ZNF804A: variants seen among roughly 807,000 people sequenced by gnomAD.
ZNF804A encodes zinc finger protein 804A.
Under a neutral mutation model 16.5 loss-of-function variants are expected in ZNF804A, and 2 were observed. The observed-to-expected ratio is 0.12, with a 90% CI of 0.05 to 0.38. The LOEUF is 0.38. Among genes scored for constraint, ZNF804A ranks in the 10% least tolerant of loss-of-function variants. The pLI is 0.99. For missense variants in ZNF804A, 1,473 were observed against 1,390.7 expected (o/e 1.06, Z -0.94); for synonymous variants, 534 against 489.6 (o/e 1.09, Z -1.20).
At chr2:184,610,298 G>A (rs934518366) in intron 1 of ZNF804A, among the ~76,000 whole-genome samples, 1 of 152,156 alleles carries the variant, frequency 6.6e-6, no homozygotes. Context: ...CCAGTGTCAA[G>A]TATTCTTTTA....
intron 1 of ZNF804A, among the ~76,000 whole-genome samples, chr2:184,687,327 A>G: frequency 6.6e-6 from 1 of 152,164 alleles, no homozygotes; most frequent in East Asian, 1.9e-4. Context: ...AGATCAGAAA[A>G]ATGTTAATGT....
At chr2:184,758,918 T>C (rs1459251320) in intron 1 of ZNF804A, among the ~76,000 whole-genome samples, 1 of 151,988 alleles carries the variant, frequency 6.6e-6, no homozygotes, top group Non-Finnish European at 1.5e-5. Flanking sequence ...ACATTGCATT[T>C]CTGCAAGAAA....
At chr2:184,919,663 A>G (rs1456822667) in intron 2 of ZNF804A, among the ~76,000 whole-genome samples, 1 of 152,122 alleles carries the variant, frequency 6.6e-6, no homozygotes, top group African/African-American at 2.4e-5. Flanking sequence ...CAAGTTTCTA[A>G]CCATCCAGCC....
At chr2:184,674,224 A>T (rs1190199500) in intron 1 of ZNF804A, among the ~76,000 whole-genome samples, 1 of 152,158 alleles carries the variant, frequency 6.6e-6, no homozygotes, top group African/African-American at 2.4e-5. Context: ...ATTACATTGT[A>T]GAAATTTAAA....
intron 1 of ZNF804A, among the ~76,000 whole-genome samples, chr2:184,615,166 G>T (rs1031163993): frequency 6.6e-6 from 1 of 152,164 alleles, no homozygotes; most frequent in African/African-American, 2.4e-5. Flanking sequence ...ACTGGATAAA[G>T]ACAATGTGGC....
intron 1 of ZNF804A, among the ~76,000 whole-genome samples, chr2:184,660,076 A>C (rs552742181): frequency 6.6e-6 from 1 of 152,284 alleles, no homozygotes; most frequent in African/African-American, 2.4e-5. Context: ...TTGCCACTGC[A>C]CTCCAGCCAA....
chr2:184,672,133 C>A (rs1179979948), intron 1 of ZNF804A, among the ~76,000 whole-genome samples: 1 of 152,150 alleles, frequency 6.6e-6, no homozygotes, highest in Non-Finnish European at 1.5e-5. Flanking sequence ...GAAAGCTAGA[C>A]TCAGTGATGG....
At chr2:184,787,461 G>T (rs995824991) in intron 1 of ZNF804A, among the ~76,000 whole-genome samples, 1 of 151,748 alleles carries the variant, frequency 6.6e-6, no homozygotes, top group Non-Finnish European at 1.5e-5. Context: ...GAACTACTTT[G>T]CATTGCTACC....
chr2:184,614,720 C>T (rs574953486), intron 1 of ZNF804A, among the ~76,000 whole-genome samples: 8 of 152,102 alleles, frequency 5.3e-5, no homozygotes, highest in South Asian at 2.1e-4. Flanking sequence ...ATCAAAAAGT[C>T]GGCAGAGGAT....
chr2:184,673,032 T>A (rs1692362184), intron 1 of ZNF804A, among the ~76,000 whole-genome samples: 1 of 147,538 alleles, frequency 6.8e-6, no homozygotes, highest in Non-Finnish European at 1.5e-5. Context: ...AGTTTATAAA[T>A]CTCATCATAG....
At chr2:184,630,328 T>A (rs1691585441) in intron 1 of ZNF804A, among the ~76,000 whole-genome samples, 1 of 152,184 alleles carries the variant, frequency 6.6e-6, no homozygotes, top group Non-Finnish European at 1.5e-5. Context: ...GGTCATTAGC[T>A]ATTAAGTCAT....
At chr2:184,852,257 C>A (rs866669319) in intron 1 of ZNF804A, among the ~76,000 whole-genome samples, 56 of 151,078 alleles carry the variant, frequency 3.7e-4, no homozygotes, top group Non-Finnish European at 2.4e-4. Flanking sequence ...CTCTCTCTCT[C>A]TCTCTATCTC....
At chr2:184,614,959 A>G (rs558126914) in intron 1 of ZNF804A, among the ~76,000 whole-genome samples, 1 of 152,354 alleles carries the variant, frequency 6.6e-6, no homozygotes, top group East Asian at 1.9e-4. Context: ...TAGTTCAACT[A>G]TTGTGAAAGA....
At chr2:184,739,917 T>C (rs1015426215) in intron 1 of ZNF804A, among the ~76,000 whole-genome samples, 5 of 152,196 alleles carry the variant, frequency 3.3e-5, no homozygotes, top group South Asian at 2.1e-4. Flanking sequence ...CAACATTCAT[T>C]TCTATATTTA....
intron 2 of ZNF804A, among the ~76,000 whole-genome samples, chr2:184,880,971 C>T (rs562113703): frequency 2.0e-5 from 3 of 151,996 alleles, no homozygotes; most frequent in South Asian, 2.1e-4. Flanking sequence ...TGAAGATCAT[C>T]GACATTCAGG....
chr2:184,823,927 A>G (rs1026912828), intron 1 of ZNF804A, among the ~76,000 whole-genome samples: 4 of 152,230 alleles, frequency 2.6e-5, no homozygotes, highest in African/African-American at 9.6e-5. Context: ...ACTAAAGAGC[A>G]TAACAAATTT....
chr2:184,667,525 A>G (rs1230611238), intron 1 of ZNF804A, among the ~76,000 whole-genome samples: 1 of 151,922 alleles, frequency 6.6e-6, no homozygotes, highest in Non-Finnish European at 1.5e-5. Context: ...TTATCCTGGA[A>G]GCAATGTGAA....
chr2:184,743,595 G>A (rs1039322563), intron 1 of ZNF804A, among the ~76,000 whole-genome samples: 20 of 151,746 alleles, frequency 1.3e-4, no homozygotes, highest in African/African-American at 2.2e-4. Flanking sequence ...AACTGCATAC[G>A]TGGAATGCAT....
chr2:184,684,553 GT>G (rs990083806), intron 1 of ZNF804A, among the ~76,000 whole-genome samples: 17 of 150,910 alleles, frequency 1.1e-4, no homozygotes, highest in African/African-American at 4.2e-4. Context: ...ATCATTTTTT[GT>G]TTTGTTTTCT....
Sources: gnomAD v4.1 joint callset for allele counts (sites outside exome capture counted in the v4.1 genomes callset) on GRCh38, gnomAD v4.1.1 for gene constraint, MANE v1.5 for transcripts, NCBI Gene and HGNC (gene_info 2026-07-23, HGNC 2026-07-21) for gene names.